Variants in TENM2 observed in about 807,000 individuals in gnomAD.
The protein encoded by TENM2 is teneurin-2.
TENM2 carries 52 observed loss-of-function variants against 245.2 expected under a neutral mutation model. The ratio of observed to expected loss-of-function variants is 0.21; its 90% CI spans 0.17 to 0.27. The LOEUF (loss-of-function observed/expected upper bound fraction) is 0.27. TENM2 is among the 10% of genes least tolerant of loss of function. The pLI, the probability that TENM2 is intolerant of heterozygous loss-of-function variation, is 1.00. For missense variants in TENM2, 3,046 were observed against 3,666.8 expected (o/e 0.83, Z 4.37); for synonymous variants, 1,363 against 1,438.9 (o/e 0.95, Z 1.19).
At chr5:167,029,559 C>G in the TENM2 span, among the ~76,000 whole-genome samples, 235 of 152,280 alleles carry the variant, frequency 1.5e-3, no homozygotes, top group African/African-American at 5.2e-3. Flanking sequence ...ACCTCCCAAA[C>G]CTGGCTCCAT....
intron 2 of TENM2, among the ~76,000 whole-genome samples, chr5:167,462,547 T>G (rs1372220912): frequency 1.3e-5 from 2 of 152,218 alleles, no homozygotes; most frequent in East Asian, 3.9e-4. Context: ...GAGATGACTT[T>G]CAGCCACGAC....
chr5:167,836,054 G>A (rs917353744), intron 2 of TENM2, among the ~76,000 whole-genome samples: 2 of 152,086 alleles, frequency 1.3e-5, no homozygotes, highest in Non-Finnish European at 2.9e-5. Context: ...TTTAAAACTG[G>A]TGGGGGAGAA....
At chr5:167,051,035 C>G in the TENM2 span, among the ~76,000 whole-genome samples, 2 of 152,166 alleles carry the variant, frequency 1.3e-5, no homozygotes, top group Non-Finnish European at 2.9e-5. Flanking sequence ...TGTGGCCTCT[C>G]TGTTGATCCA....
At chr5:168,180,439 A>G (rs1172766050) in intron 13 of TENM2, among the ~76,000 whole-genome samples, 1 of 152,234 alleles carries the variant, frequency 6.6e-6, no homozygotes, top group Non-Finnish European at 1.5e-5. Context: ...TTTGTGTTTC[A>G]GGGAATGCGT....
chr5:167,347,438 C>T (rs191076414), intron 1 of TENM2, among the ~76,000 whole-genome samples: 6 of 152,266 alleles, frequency 3.9e-5, no homozygotes, highest in African/African-American at 1.4e-4. Context: ...TAAGTGTAGT[C>T]TACATTGGCA....
chr5:168,063,204 T>C (rs189820631), intron 7 of TENM2, among the ~76,000 whole-genome samples: 30 of 152,300 alleles, frequency 2.0e-4, no homozygotes, highest in African/African-American at 6.7e-4. Flanking sequence ...AAACTAAAAT[T>C]CAGCAGATGT....
chr5:167,878,004 G>A (rs1773572356), intron 3 of TENM2, among the ~76,000 whole-genome samples: 1 of 152,036 alleles, frequency 6.6e-6, no homozygotes, highest in Admixed American at 6.6e-5. Flanking sequence ...CAATTATTAG[G>A]GATAAAATGA....
chr5:167,402,127 A>G (rs943103681), intron 2 of TENM2, among the ~76,000 whole-genome samples: 3 of 152,152 alleles, frequency 2.0e-5, no homozygotes, highest in Non-Finnish European at 4.4e-5. Context: ...TTTGAATCCC[A>G]TCTCTTCTAA....
At chr5:168,135,658 A>G (rs953501273) in intron 12 of TENM2, among the ~76,000 whole-genome samples, 1 of 152,192 alleles carries the variant, frequency 6.6e-6, no homozygotes, top group African/African-American at 2.4e-5. Flanking sequence ...CAGTCTCAGG[A>G]TAATTAGAAT....
intron 2 of TENM2, among the ~76,000 whole-genome samples, chr5:167,564,894 A>ATGGCCAATCCCAGAGTC (rs1027938635): frequency 1.3e-5 from 2 of 152,242 alleles, no homozygotes; most frequent in Non-Finnish European, 2.9e-5. Flanking sequence ...AAAGCAAGTC[A>ATGGCCAATCCCAGAGTC]TGGCCAATCC....
chr5:168,149,710 G>A (rs1490925538), intron 12 of TENM2, among the ~76,000 whole-genome samples: 1 of 152,262 alleles, frequency 6.6e-6, no homozygotes, highest in East Asian at 1.9e-4. Context: ...AAAAACTCAT[G>A]TCAGATCAGG....
chr5:167,016,264 AC>A, the TENM2 span, among the ~76,000 whole-genome samples: 227 of 107,770 alleles, frequency 2.1e-3, no homozygotes, highest in African/African-American at 7.0e-3. Flanking sequence ...AAAAAAAAAA[AC>A]AAACAAACAA....
chr5:167,970,810 C>T (rs1781721019), intron 4 of TENM2, among the ~76,000 whole-genome samples: 1 of 151,728 alleles, frequency 6.6e-6, no homozygotes, highest in Non-Finnish European at 1.5e-5. Context: ...GTGAATTAAT[C>T]TGATATTATT....
chr5:167,317,100 A>G (rs769455089), intron 1 of TENM2, among the ~76,000 whole-genome samples: 7 of 151,976 alleles, frequency 4.6e-5, no homozygotes, highest in Non-Finnish European at 8.8e-5. Flanking sequence ...CCCATCTACA[A>G]TTCCCCTAAA....
chr5:168,153,453 A>G (rs1165549905), intron 12 of TENM2, among the ~76,000 whole-genome samples: 2 of 152,256 alleles, frequency 1.3e-5, no homozygotes. Flanking sequence ...GCTGGAAGCC[A>G]GGAAAGCCAT....
intron 5 of TENM2, among the ~76,000 whole-genome samples, chr5:168,046,725 A>G (rs1475744469): frequency 2.0e-5 from 3 of 152,222 alleles, no homozygotes; most frequent in African/African-American, 7.2e-5. Context: ...AGTGAGAGCG[A>G]CAGAGACAGA....
intron 2 of TENM2, among the ~76,000 whole-genome samples, chr5:167,411,010 A>C (rs1762880206): frequency 6.6e-6 from 1 of 152,056 alleles, no homozygotes; most frequent in African/African-American, 2.4e-5. Context: ...AAAATTCTTT[A>C]AAATTATACA....
chr5:167,706,958 T>A (rs1227214617), intron 2 of TENM2, among the ~76,000 whole-genome samples: 1 of 133,278 alleles, frequency 7.5e-6, no homozygotes, highest in Non-Finnish European at 1.5e-5. Flanking sequence ...GAGCTTGCAG[T>A]GAGCCGAGAT....
At chr5:168,167,246 G>A (rs1331291984) in intron 13 of TENM2, among the ~76,000 whole-genome samples, 1 of 152,138 alleles carries the variant, frequency 6.6e-6, no homozygotes, top group African/African-American at 2.4e-5. Flanking sequence ...ACAGAGGTGT[G>A]AGATTTAGTT....
Sources: gnomAD v4.1 joint callset for allele counts (sites outside exome capture counted in the v4.1 genomes callset) on GRCh38, gnomAD v4.1.1 for gene constraint, MANE v1.5 for transcripts, NCBI Gene and HGNC (gene_info 2026-07-23, HGNC 2026-07-21) for gene names.